NRXN1: variants seen among roughly 807,000 people sequenced by gnomAD.
The protein encoded by NRXN1 is neurexin-1.
NRXN1 carries 39 observed loss-of-function variants against 150.9 expected under a neutral mutation model. The ratio of observed to expected loss-of-function variants is 0.26; its 90% CI spans 0.20 to 0.34. The LOEUF (loss-of-function observed/expected upper bound fraction) is 0.34, where lower values mean the gene tolerates loss of function less well. NRXN1 is among the 10% of genes least tolerant of loss of function. NRXN1 has a pLI of 1.00. For synonymous variants in NRXN1, 924 were observed against 757.0 expected (o/e 1.22, Z -3.62); for missense variants, 1,815 against 1,949.9 (o/e 0.93, Z 1.30).
intron 12 of NRXN1, among the ~76,000 whole-genome samples, chr2:50,525,385 C>G (rs914659065): frequency 6.6e-6 from 1 of 152,074 alleles, no homozygotes; most frequent in Non-Finnish European, 1.5e-5. Context: ...TCCCATCTAC[C>G]CTTATTAAAG....
chr2:50,237,898 G>A (rs1442962736), intron 17 of NRXN1, among the ~76,000 whole-genome samples: 1 of 151,932 alleles, frequency 6.6e-6, no homozygotes, highest in Non-Finnish European at 1.5e-5. Context: ...CTTTGCCCAT[G>A]CTGTTCTCAT....
intron 5 of NRXN1, among the ~76,000 whole-genome samples, chr2:50,905,963 T>C (rs1044893026): frequency 6.6e-6 from 1 of 152,110 alleles, no homozygotes; most frequent in Non-Finnish European, 1.5e-5. Context: ...AGCAAGGCAC[T>C]AGACTAAGTT....
chr2:50,540,521 C>T (rs971177214), intron 9 of NRXN1, among the ~76,000 whole-genome samples: 1 of 152,182 alleles, frequency 6.6e-6, no homozygotes, highest in African/African-American at 2.4e-5. Flanking sequence ...CAGATGGTCC[C>T]TATCCTCTGC....
intron 18 of NRXN1, among the ~76,000 whole-genome samples, chr2:50,219,141 C>T (rs1008755347): frequency 9.9e-5 from 15 of 151,910 alleles, no homozygotes; most frequent in African/African-American, 3.6e-4. Context: ...AGGCTTTGAT[C>T]CATTTCTCAA....
chr2:50,095,091 G>A lies in NRXN1; in HGVS notation c.3547-3597C>T, dbSNP rs187336374. On this transcript the variant is annotated intron_variant, in intron 18 of 22. Transcript: ENST00000401669. ...AATAGTGAAAGCCATGGAAACAATC[G>A]TGCTCCTCCCAGTGCAAGTGGGGGC... is the stretch of plus-strand genomic sequence containing the variant. Among the ~76,000 whole-genome samples the A allele has an allele frequency of 1.4e-4, 22 of 152,304 alleles. No homozygotes were observed. The Middle Eastern group carries it at 0.017, about 118-fold the overall frequency.
Position 50,531,333 on chromosome 2 carries a change from T to C in NRXN1, c.2241A>G (p.Arg747=). The C allele has an allele frequency of 6.2e-7, 1 of 1,613,454 alleles. No individual in the cohort carries two copies. The highest frequency in any genetic ancestry group is 1.3e-5 in the African/African-American group (1 of 75,008). ...TCAGAATGCCATATGCACGCTGGGATCGGAACCGTAAGGAAACATCCTCAG... is the reference window on the plus strand; with the variant it reads ...TCAGAATGCCATATGCACGCTGGGACCGGAACCGTAAGGAAACATCCTCAG... ...TEAEDVSLRF[R]SQRAYGILMA... The change falls in exon 11 of 23, where the codon CGA becomes CGG. Residue 747 remains arginine, a synonymous_variant. Coordinates refer to ENST00000401669, the MANE Select transcript of NRXN1 (RefSeq NM_001330078.2).
intron 17 of NRXN1, among the ~76,000 whole-genome samples, chr2:50,262,959 C>A (rs569557395): frequency 6.6e-6 from 1 of 152,068 alleles, no homozygotes; most frequent in East Asian, 1.9e-4. Context: ...ATTACTCATT[C>A]CCTGGTAGAT....
At chr2:50,060,562 G>A (rs1178077800) in intron 19 of NRXN1, among the ~76,000 whole-genome samples, 3 of 152,020 alleles carry the variant, frequency 2.0e-5, no homozygotes, top group African/African-American at 7.2e-5. Context: ...TTTGGGAGGG[G>A]CCAGGGATAT....
At chr2:50,385,074 A>G (rs1405558847) in intron 17 of NRXN1, among the ~76,000 whole-genome samples, 1 of 152,228 alleles carries the variant, frequency 6.6e-6, no homozygotes, top group Admixed American at 6.5e-5. Flanking sequence ...AAATGTAAAT[A>G]CTAATTGTTT....
intron 18 of NRXN1, among the ~76,000 whole-genome samples, chr2:50,152,472 C>G (rs1382150153): frequency 6.6e-6 from 1 of 151,736 alleles, no homozygotes; most frequent in Admixed American, 6.6e-5. Context: ...CAGTGCACAC[C>G]TGAAATAAGG....
intron 17 of NRXN1, among the ~76,000 whole-genome samples, chr2:50,418,971 G>A (rs1297151497): frequency 6.6e-6 from 1 of 151,556 alleles, no homozygotes; most frequent in Non-Finnish European, 1.5e-5. Flanking sequence ...TTTTATTGTA[G>A]TTAAGTTACA....
rs2077983656 is a variant in NRXN1, at chr2:50,346,503, G to C, written c.3365-109533C>G. ...CTCCCACCCCTCACCACCAACACCC[G>C]CGACGCCTTCCCCCATCCCCTTTCT... is the stretch of plus-strand genomic sequence containing the variant. On this transcript the variant is annotated intron_variant, in intron 17 of 22. Coordinates refer to ENST00000401669, the MANE Select transcript of NRXN1 (RefSeq NM_001330078.2). The surrounding 1 kb of genome is among the most constrained non-coding windows in gnomAD (Gnocchi z 5.0). 2.7e-5 allele frequency among the ~76,000 whole-genome samples: 4 copies of C among 149,836 alleles called. No individual in the cohort carries two copies. In the South Asian group the frequency reaches 8.4e-4, roughly 31 times the overall value.
At chr2:50,540,928 C>T (rs534560264) in intron 9 of NRXN1, among the ~76,000 whole-genome samples, 1 of 152,226 alleles carries the variant, frequency 6.6e-6, no homozygotes, top group African/African-American at 2.4e-5. Context: ...TCCCAAAGTG[C>T]TGGGATTACA....
chr2:50,214,547 A>G (rs1490171753), intron 18 of NRXN1, among the ~76,000 whole-genome samples: 1 of 151,928 alleles, frequency 6.6e-6, no homozygotes, highest in Non-Finnish European at 1.5e-5. Context: ...TAATTCCAGC[A>G]GGCACAGAAA....
intron 17 of NRXN1, among the ~76,000 whole-genome samples, chr2:50,288,934 T>A (rs2072548553): frequency 6.6e-6 from 1 of 152,020 alleles, no homozygotes; most frequent in Non-Finnish European, 1.5e-5. Context: ...GATGCAGAGA[T>A]TGTAGGGAAA....
chr2:50,636,091 T>C (rs182101582), intron 5 of NRXN1, among the ~76,000 whole-genome samples: 33 of 152,228 alleles, frequency 2.2e-4, no homozygotes, highest in Middle Eastern at 3.4e-3. Context: ...CCCAACACCC[T>C]CATTCTAGGA....
intron 22 of NRXN1, among the ~76,000 whole-genome samples, chr2:49,929,652 C>T (rs1558523181): frequency 6.6e-6 from 1 of 152,170 alleles, no homozygotes; most frequent in Non-Finnish European, 1.5e-5. Flanking sequence ...GCTCATATAA[C>T]CTTTTATCTC....
chr2:50,844,834 G>A (rs143372629), intron 5 of NRXN1, among the ~76,000 whole-genome samples: 71 of 151,026 alleles, frequency 4.7e-4, no homozygotes, highest in Middle Eastern at 3.4e-3. Flanking sequence ...ACTGCATAGT[G>A]TGGTTTAGCC....
At chr2:50,698,581 ATAGAG>A (rs1280904862) in intron 5 of NRXN1, among the ~76,000 whole-genome samples, 10 of 152,356 alleles carry the variant, frequency 6.6e-5, no homozygotes, top group African/African-American at 2.2e-4. Context: ...TCAATTCTCA[ATAGAG>A]TAAACACTAA....
Sources: gnomAD v4.1 joint callset for allele counts (sites outside exome capture counted in the v4.1 genomes callset) on GRCh38, gnomAD v4.1.1 for gene constraint, Gnocchi (gnomAD v3.1) non-coding constraint, MANE v1.5 for transcripts, NCBI Gene and HGNC (gene_info 2026-07-23, HGNC 2026-07-21) for gene names.